PEX14: variants seen among roughly 807,000 people sequenced by gnomAD.
PEX14 encodes the protein peroxisomal membrane protein PEX14.
Under a neutral mutation model 49.5 loss-of-function variants are expected in PEX14, and 15 were observed. The ratio of observed to expected loss-of-function variants is 0.30; its 90% CI spans 0.20 to 0.47. The LOEUF (loss-of-function observed/expected upper bound fraction) is 0.47. Ranked by LOEUF, PEX14 falls within the 20% of genes least tolerant of loss-of-function variation. The pLI is 1.00. For missense variants in PEX14, 398 were observed against 494.8 expected (o/e 0.80, Z 1.86); for synonymous variants, 210 against 212.7 (o/e 0.99, Z 0.11).
At chr1:10,477,773 A>G (rs997425823) in intron 1 of PEX14, among the ~76,000 whole-genome samples, 3 of 152,228 alleles carry the variant, frequency 2.0e-5, no homozygotes, top group African/African-American at 4.8e-5. Flanking sequence ...CTTACCAGCA[A>G]TGTCATCTCG....
At chr1:10,484,829 C>T (rs763482449) in intron 1 of PEX14, among the ~76,000 whole-genome samples, 15 of 151,626 alleles carry the variant, frequency 9.9e-5, no homozygotes, top group Non-Finnish European at 2.2e-4. Context: ...AGCCAGCGGC[C>T]GCCCTCAGTT....
At chr1:10,509,611 G>T (rs770824951) in intron 2 of PEX14, among the ~76,000 whole-genome samples, 2 of 152,154 alleles carry the variant, frequency 1.3e-5, no homozygotes, top group Non-Finnish European at 2.9e-5. Context: ...TCAGGTGGGG[G>T]TATCCCCTAC....
intron 1 of PEX14, among the ~76,000 whole-genome samples, chr1:10,484,578 C>T (rs1274118099): frequency 6.6e-6 from 1 of 151,734 alleles, no homozygotes; most frequent in Non-Finnish European, 1.5e-5. Context: ...GTTTTTGATT[C>T]CTGCGTAACA....
intron 7 of PEX14, among the ~76,000 whole-genome samples, chr1:10,625,631 C>T (rs536407878): frequency 3.9e-4 from 59 of 152,332 alleles, no homozygotes; most frequent in Middle Eastern, 3.4e-3. Flanking sequence ...CACTGCAATG[C>T]GTGTTCTCCA....
chr1:10,618,372 C>T lies in PEX14; in HGVS notation c.339C>T (p.Ala113=), dbSNP rs1299206881. 3 of 1,613,984 alleles carry T rather than the reference C, an allele frequency of 1.9e-6. No individual in the cohort carries two copies. Among genetic ancestry groups the T allele is most frequent in the Non-Finnish European group, 1.7e-6 (2 of 1,180,038 alleles). ...GSRWRDYGAL[A]IIMAGIAFGF... is the part of the protein sequence containing the mutation. Reference sequence around the variant, plus strand: ...GATGGCGAGATTACGGCGCCCTGGCCATCATCATGGCAGGCATTGCATTTG... The same window carrying T: ...GATGGCGAGATTACGGCGCCCTGGCTATCATCATGGCAGGCATTGCATTTG... Residue 113 remains alanine (A), a synonymous_variant, in exon 5 of 9, where the codon GCC becomes GCT. Coordinates refer to ENST00000356607, the MANE Select transcript of PEX14 (RefSeq NM_004565.3).
At chr1:10,503,844 A>T (rs1193520581) in intron 2 of PEX14, among the ~76,000 whole-genome samples, 1 of 151,900 alleles carries the variant, frequency 6.6e-6, no homozygotes, top group Non-Finnish European at 1.5e-5. Flanking sequence ...AGTGATTCTC[A>T]TGCCTAAGCC....
chr1:10,524,525 C>A, intron 2 of PEX14: 1 of 462,956 alleles, frequency 2.2e-6, no homozygotes, highest in Non-Finnish European at 2.8e-6. Context: ...AAGTAAATTA[C>A]ATGCTCATCT....
chr1:10,573,228 T>C (rs1490711550), intron 3 of PEX14, among the ~76,000 whole-genome samples: 2 of 152,208 alleles, frequency 1.3e-5, no homozygotes, highest in Non-Finnish European at 2.9e-5. Flanking sequence ...AGGTCTTGTA[T>C]CTAATATATA....
chr1:10,568,879 A>G (rs986354254), intron 3 of PEX14, among the ~76,000 whole-genome samples: 1 of 152,120 alleles, frequency 6.6e-6, no homozygotes, highest in African/African-American at 2.4e-5. Context: ...AGCTGGGATT[A>G]CAGATGCACG....
At chr1:10,546,734 T>C (rs1478844191) in intron 3 of PEX14, among the ~76,000 whole-genome samples, 1 of 142,926 alleles carries the variant, frequency 7.0e-6, no homozygotes, top group Non-Finnish European at 1.5e-5. Flanking sequence ...CCGTGCGTGG[T>C]GGTGGGCACC....
intron 4 of PEX14, among the ~76,000 whole-genome samples, chr1:10,602,517 G>A (rs1211400777): frequency 6.6e-6 from 1 of 151,996 alleles, no homozygotes; most frequent in Non-Finnish European, 1.5e-5. Flanking sequence ...ATTACTTGTA[G>A]CGGTAATTTA....
chr1:10,505,274 C>T (rs906137126), intron 2 of PEX14, among the ~76,000 whole-genome samples: 1 of 152,004 alleles, frequency 6.6e-6, no homozygotes, highest in Non-Finnish European at 1.5e-5. Flanking sequence ...GTTTTGAGAT[C>T]AGCCTGGGCA....
intron 3 of PEX14, among the ~76,000 whole-genome samples, chr1:10,547,114 T>C (rs547328100): frequency 6.6e-6 from 1 of 152,242 alleles, no homozygotes; most frequent in South Asian, 2.1e-4. Flanking sequence ...GACCAAGAAG[T>C]TGCTGCTGCC....
intron 1 of PEX14, among the ~76,000 whole-genome samples, chr1:10,475,898 A>G (rs1244798233): frequency 1.3e-5 from 2 of 152,212 alleles, no homozygotes; most frequent in Admixed American, 1.3e-4. Flanking sequence ...TATGAAGTGC[A>G]GGCTACTAAC....
At chr1:10,621,873 G>T (rs1193221752) in intron 5 of PEX14, among the ~76,000 whole-genome samples, 1 of 152,070 alleles carries the variant, frequency 6.6e-6, no homozygotes, top group Non-Finnish European at 1.5e-5. Context: ...TTCCTTCCCT[G>T]GTACAGAAAC....
chr1:10,496,393 ATGG>A (rs1352731770), intron 2 of PEX14, among the ~76,000 whole-genome samples: 4 of 151,988 alleles, frequency 2.6e-5, no homozygotes, highest in African/African-American at 7.3e-5. Context: ...CCTTGAGGTC[ATGG>A]TGGTGGGAAA....
Position 10,535,935 on chromosome 1 carries a change from C to T in PEX14, c.85-278C>T, listed in dbSNP as rs1294997422. On this transcript the variant is annotated intron_variant, in intron 2 of 8. Coordinates refer to ENST00000356607, the MANE Select transcript of PEX14 (RefSeq NM_004565.3). ...TGCCGGGGAGTATGAAGAATCAGCTCGAATGGAGATCAGGAGGAACAGGAA... is the reference window on the plus strand; with the variant it reads ...TGCCGGGGAGTATGAAGAATCAGCTTGAATGGAGATCAGGAGGAACAGGAA... The T allele has an allele frequency of 1.4e-5, 6 of 427,398 alleles. No individual in the cohort carries two copies. The East Asian group carries it at 1.5e-4, about 11-fold the overall frequency. The allele number at this position is 427,398 out of a possible 1,614,324, so 26.5% of individuals were successfully genotyped here. A position where few individuals can be genotyped will look rare whatever the true frequency, so the allele number is the denominator to read the frequency against.
intron 2 of PEX14, among the ~76,000 whole-genome samples, chr1:10,505,071 T>C (rs1263824656): frequency 1.3e-5 from 2 of 152,156 alleles, no homozygotes; most frequent in African/African-American, 4.8e-5. Flanking sequence ...ATTACAGGCA[T>C]GAGCCACCAT....
intron 4 of PEX14, among the ~76,000 whole-genome samples, chr1:10,605,868 T>A (rs1336926052): frequency 6.6e-6 from 1 of 152,220 alleles, no homozygotes; most frequent in Admixed American, 6.5e-5. Flanking sequence ...CGGTTTGGAT[T>A]AGCAAGCACC....
Sources: gnomAD v4.1 joint callset for allele counts (sites outside exome capture counted in the v4.1 genomes callset) on GRCh38, gnomAD v4.1.1 for gene constraint, MANE v1.5 for transcripts, NCBI Gene and HGNC (gene_info 2026-07-23, HGNC 2026-07-21) for gene names.